EFCAB8: variants seen among roughly 807,000 people sequenced by gnomAD.
EFCAB8 encodes the protein EF-hand calcium binding domain 8.
A neutral mutation model predicts 116.3 loss-of-function variants in EFCAB8; 100 were observed. That is an observed-to-expected ratio of 0.86 (90% CI 0.73 to 1.02). The LOEUF (loss-of-function observed/expected upper bound fraction) is 1.02. Among genes scored for constraint, EFCAB8 ranks in the 50% least tolerant of loss-of-function variants. The pLI is 0.00. For missense variants in EFCAB8, 1,320 were observed against 1,416.9 expected (o/e 0.93, Z 1.10); for synonymous variants, 558 against 567.9 (o/e 0.98, Z 0.25).
At chr20:32,920,761 C>A (rs920179620) in intron 20 of EFCAB8, among the ~76,000 whole-genome samples, 1 of 152,094 alleles carries the variant, frequency 6.6e-6, no homozygotes, top group Admixed American at 6.6e-5. Context: ...CAAACCATAT[C>A]AGCTCCCAAG....
chr20:32,901,723 C>T (rs1986437902), intron 11 of EFCAB8, among the ~76,000 whole-genome samples: 1 of 152,222 alleles, frequency 6.6e-6, no homozygotes, highest in Non-Finnish European at 1.5e-5. Context: ...AGTCTTGCTG[C>T]AGTGCCCAGG....
At chr20:32,920,389 G>A (rs1446756985) in intron 20 of EFCAB8, among the ~76,000 whole-genome samples, 174 bp downstream of exon 20, 2 of 152,252 alleles carry the variant, frequency 1.3e-5, no homozygotes, top group African/African-American at 2.4e-5. Context: ...TCAGGGCTGC[G>A]GTGTCTGGGG....
chr20:32,932,195 C>A (rs1017688435), intron 22 of EFCAB8, among the ~76,000 whole-genome samples: 1 of 152,044 alleles, frequency 6.6e-6, no homozygotes, highest in African/African-American at 2.4e-5. Flanking sequence ...CCTGGCCAAC[C>A]TGGTGAAACC....
rs190119245 is a variant in EFCAB8 at position 32,895,654 on chromosome 20, C to T, written c.884-800C>T. 4.7e-5 allele frequency among the ~76,000 whole-genome samples: 7 copies of T among 150,074 alleles called. No individual in the cohort carries two copies. In the East Asian group the frequency reaches 7.8e-4, roughly 17 times the overall value. ...TGGTGCGATCTTGGCTCACTGCCAC[C>T]TCTGCCTTTCGGGTTCAAGTGATTC... is the stretch of plus-strand genomic sequence containing the variant. On this transcript the variant is annotated intron_variant, in intron 9 of 26. Transcript: ENST00000400522.
chr20:32,877,152 G>A (rs1985015406), intron 4 of EFCAB8, among the ~76,000 whole-genome samples: 2 of 151,274 alleles, frequency 1.3e-5, no homozygotes, highest in African/African-American at 2.4e-5. Context: ...CCTCAGCATA[G>A]GTATACATTC....
chr20:32,961,521 A>G lies in EFCAB8; in HGVS notation c.3779A>G (p.His1260Arg). Reference protein sequence around the residue: ...STLQGSVTPKHIVSSFERPPR... With the variant: ...STLQGSVTPKRIVSSFERPPR... ...CTGCAGGGGTCAGTGACCCCCAAGC[A>G]CATTGTCTCCTCCTTCGAGCGGCCC... The change falls in exon 27 of 27, where the codon CAC (histidine) becomes CGC (arginine). Residue 1260 changes from histidine (H) to arginine (R), a missense_variant. Coordinates refer to ENST00000400522, the MANE Select transcript of EFCAB8 (RefSeq NM_001143967.2). 7.0e-7 allele frequency: 1 copy of G among 1,420,892 alleles called. No individual in the cohort carries two copies. Among genetic ancestry groups the G allele is most frequent in the Non-Finnish European group, 9.2e-7 (1 of 1,084,562 alleles). The allele number at this position is 1,420,892 out of a possible 1,614,324, so 88.0% of individuals were successfully genotyped here.
At chr20:32,930,700 G>C (rs761547652) in intron 21 of EFCAB8, 84 bp downstream of exon 21, 2 of 1,296,434 alleles carry the variant, frequency 1.5e-6, no homozygotes, top group Admixed American at 4.0e-5. Flanking sequence ...CCCTTGCCTA[G>C]TTCCTACTCT....
intron 11 of EFCAB8, among the ~76,000 whole-genome samples, chr20:32,899,711 A>G (rs1156722996): frequency 2.0e-5 from 3 of 151,924 alleles, no homozygotes; most frequent in Non-Finnish European, 4.4e-5. Flanking sequence ...AGTACCTGGG[A>G]TTACAGGCAC....
chr20:32,930,942 G>T (rs1222141873), intron 21 of EFCAB8, among the ~76,000 whole-genome samples: 1 of 152,194 alleles, frequency 6.6e-6, no homozygotes, highest in Non-Finnish European at 1.5e-5. Context: ...AAGACATGAG[G>T]CAGGGGTGTG....
chr20:32,918,715 T>A, intron 19 of EFCAB8, 141 bp downstream of exon 19: 1 of 827,520 alleles, frequency 1.2e-6, no homozygotes, highest in Non-Finnish European at 1.9e-6. Flanking sequence ...GTTTTGAGCA[T>A]TGTGGGCCTG....
At chr20:32,868,596 C>A (rs982802444) in intron 3 of EFCAB8, among the ~76,000 whole-genome samples, 1 of 152,108 alleles carries the variant, frequency 6.6e-6, no homozygotes, top group African/African-American at 2.4e-5. Flanking sequence ...TGGCTTAAAC[C>A]AATGCACGTT....
At chr20:32,940,689 C>T (rs1988378041) in intron 22 of EFCAB8, among the ~76,000 whole-genome samples, 1 of 149,588 alleles carries the variant, frequency 6.7e-6, no homozygotes, top group African/African-American at 2.5e-5. Flanking sequence ...GACTAGTATC[C>T]AGAATATATA....
intron 23 of EFCAB8, among the ~76,000 whole-genome samples, chr20:32,948,654 T>A (rs1988700835): frequency 6.6e-6 from 1 of 152,134 alleles, no homozygotes; most frequent in South Asian, 2.1e-4. Flanking sequence ...CTTAACAAAA[T>A]TTTGCAAATA....
intron 15 of EFCAB8, among the ~76,000 whole-genome samples, chr20:32,910,691 A>G (rs960742131): frequency 6.6e-6 from 1 of 150,980 alleles, no homozygotes; most frequent in African/African-American, 2.4e-5. Context: ...CAACTTTTCT[A>G]GATCTTCTCA....
chr20:32,878,281 A>AT (rs1052314238), intron 4 of EFCAB8, among the ~76,000 whole-genome samples: 5 of 151,482 alleles, frequency 3.3e-5, no homozygotes, highest in African/African-American at 1.2e-4. Context: ...GAAAAAAAAA[A>AT]GGCCGGGTGT....
rs547052811 is a variant in EFCAB8 at position 32,887,313 on chromosome 20, C to T, written c.567+1673C>T. Among the ~76,000 whole-genome samples, 17 of 152,372 alleles carry T rather than the reference C, an allele frequency of 1.1e-4. 1 individual carries two copies. The South Asian group carries it at 2.3e-3, about 20-fold the overall frequency. ...ATACAGCGCCAGGCGCGGAGGCTCA[C>T]GCCTGTAATCCCAGCACTTTGGGAG... is the stretch of plus-strand genomic sequence containing the variant. On this transcript the variant is annotated intron_variant, in intron 6 of 26. Coordinates refer to ENST00000400522, the MANE Select transcript of EFCAB8 (RefSeq NM_001143967.2).
intron 2 of EFCAB8, 54 bp downstream of exon 2, chr20:32,863,888 C>T (rs1226272972): frequency 6.5e-7 from 1 of 1,538,126 alleles, no homozygotes; most frequent in East Asian, 2.5e-5. Flanking sequence ...CAGAGTCACC[C>T]AAAACCTCAC....
At chr20:32,867,434 G>A (rs918879487) in intron 2 of EFCAB8, 148 bp from the exon 3 acceptor site, 3 of 903,162 alleles carry the variant, frequency 3.3e-6, no homozygotes, top group Non-Finnish European at 4.9e-6. Context: ...TGTAAAAATG[G>A]TTAAGAATTC....
Position 32,961,318 on chromosome 20 carries a change from G to A in EFCAB8, c.3576G>A (p.Thr1192=), listed in dbSNP as rs373535629. Residue 1192 remains threonine, a synonymous_variant, in exon 27 of 27, where the codon ACG becomes ACA. Transcript: ENST00000400522. The stretch of plus-strand genomic sequence containing the variant: ...CTGTGCTGGATACCACGGACAGCAC[G>A]CCTGCGGCCGCCTCCTCCCCATCTT... The part of the protein sequence containing the change: ...EQAVLDTTDS[T]PAAASSPSSL... 62 of 1,496,570 alleles carry A rather than the reference G, an allele frequency of 4.1e-5. No individual in the cohort carries two copies. The highest frequency in any genetic ancestry group is 3.5e-4 in the Middle Eastern group (2 of 5,704). The allele number at this position is 1,496,570 out of a possible 1,614,324, so 92.7% of individuals were successfully genotyped here.
Sources: gnomAD v4.1 joint callset for allele counts (sites outside exome capture counted in the v4.1 genomes callset) on GRCh38, gnomAD v4.1.1 for gene constraint, MANE v1.5 for transcripts, NCBI Gene and HGNC (gene_info 2026-07-23, HGNC 2026-07-21) for gene names.